Variants in SH3PXD2A observed in about 807,000 individuals in gnomAD.
SH3PXD2A encodes SH3 and PX domains 2A, also known as SH3 and PX domain-containing protein 2A.
A neutral mutation model predicts 115.2 loss-of-function variants in SH3PXD2A; 32 were observed. The ratio of observed to expected loss-of-function variants is 0.28; its 90% CI spans 0.21 to 0.37. The LOEUF (loss-of-function observed/expected upper bound fraction) is 0.37. Among genes scored for constraint, SH3PXD2A ranks in the 10% least tolerant of loss-of-function variants. The probability of loss-of-function intolerance (pLI) is 1.00; values close to 1 mark genes in which losing one functional copy is unlikely to be tolerated. For synonymous variants in SH3PXD2A, 610 were observed against 629.1 expected (o/e 0.97, Z 0.45); for missense variants, 1,328 against 1,498.7 (o/e 0.89, Z 1.88).
chr10:103,778,941 C>T (rs528434555), intron 2 of SH3PXD2A, among the ~76,000 whole-genome samples: 1 of 152,328 alleles, frequency 6.6e-6, no homozygotes, highest in African/African-American at 2.4e-5. Context: ...AGCAGAGCAC[C>T]TGGGGAGCTA....
At chr10:103,718,865 C>T (rs569923239) in intron 5 of SH3PXD2A, among the ~76,000 whole-genome samples, 8 of 151,924 alleles carry the variant, frequency 5.3e-5, no homozygotes, top group South Asian at 2.1e-4. Context: ...ATGTTTGTGT[C>T]CCACCTAAAT....
intron 7 of SH3PXD2A, chr10:103,661,950 C>T (rs2037312937): frequency 1.0e-6 from 1 of 985,342 alleles, no homozygotes; most frequent in Non-Finnish European, 1.2e-6. Flanking sequence ...TCCTGCCCCT[C>T]GGGCTCACCC....
rs557511175 is a variant in SH3PXD2A at position 103,732,078 on chromosome 10, G to C, written c.306+3654C>G. Among the ~76,000 whole-genome samples the C allele has an allele frequency of 2.6e-5, 4 of 152,312 alleles. No homozygotes were observed. In the South Asian group the frequency reaches 8.3e-4, roughly 32 times the overall value. ...TTCTAGTCGTACCAACCAGGAAGTG[G>C]TGACTTGGATAAATGTCATTAACAT... is the stretch of plus-strand genomic sequence containing the variant. On this transcript the variant is annotated intron_variant, in intron 4 of 14. Transcript: ENST00000369774.
chr10:103,769,708 C>T (rs989584242), intron 2 of SH3PXD2A, among the ~76,000 whole-genome samples: 2 of 151,948 alleles, frequency 1.3e-5, no homozygotes, highest in African/African-American at 2.4e-5. Context: ...CTGGGATTAC[C>T]GGTGTGAGCC....
intron 5 of SH3PXD2A, among the ~76,000 whole-genome samples, chr10:103,712,317 G>T (rs1309953307): frequency 6.6e-6 from 1 of 152,208 alleles, no homozygotes. Context: ...GGTTTTGCAC[G>T]TAGCCATCTG....
intron 3 of SH3PXD2A, among the ~76,000 whole-genome samples, chr10:103,744,116 C>G (rs1271939577): frequency 6.6e-6 from 1 of 151,506 alleles, no homozygotes; most frequent in East Asian, 1.9e-4. Context: ...CCTGCCTAGG[C>G]TAGGGTGGGA....
At chr10:103,710,446 GAGCTATTATT>G (rs1250860434) in intron 5 of SH3PXD2A, among the ~76,000 whole-genome samples, 1 of 152,176 alleles carries the variant, frequency 6.6e-6, no homozygotes, top group Non-Finnish European at 1.5e-5. Flanking sequence ...TACAGTAATT[GAGCTATTATT>G]AGCTTTCTAG....
At chr10:103,799,035 A>G (rs558080403) in intron 2 of SH3PXD2A, among the ~76,000 whole-genome samples, 56 of 152,300 alleles carry the variant, frequency 3.7e-4, no homozygotes, top group Middle Eastern at 3.4e-3. Flanking sequence ...CGGGCAGGCA[A>G]TTTGAACCTT....
intron 9 of SH3PXD2A, among the ~76,000 whole-genome samples, chr10:103,624,734 C>T (rs902996): frequency 0.68 from 103,681 of 152,174 alleles, 35,772 homozygotes; most frequent in East Asian, 0.93. Context: ...ATGGCCATAG[C>T]GCTGGGGTAG....
chr10:103,607,639 G>A (rs1219435383), intron 13 of SH3PXD2A, among the ~76,000 whole-genome samples: 1 of 152,206 alleles, frequency 6.6e-6, no homozygotes, highest in Non-Finnish European at 1.5e-5. Flanking sequence ...CCACCACCCC[G>A]TCTGGGAGGT....
chr10:103,732,528 G>A (rs889549754), intron 4 of SH3PXD2A, among the ~76,000 whole-genome samples: 2 of 152,234 alleles, frequency 1.3e-5, no homozygotes, highest in African/African-American at 2.4e-5. Flanking sequence ...ATTGGGCTGT[G>A]AAACCGCCAT....
chr10:103,722,554 G>A (rs2134170342), intron 5 of SH3PXD2A, among the ~76,000 whole-genome samples: 1 of 151,550 alleles, frequency 6.6e-6, no homozygotes, highest in East Asian at 1.9e-4. Flanking sequence ...CACCTGCCTT[G>A]GCTTCTCAAA....
At position 103,603,205 on chromosome 10, in the gene SH3PXD2A, G is replaced by C; in HGVS notation, c.2013C>G (p.Leu671=). 6.2e-7 allele frequency: 1 copy of C among 1,614,194 alleles called. No homozygotes were observed. Among genetic ancestry groups the C allele is most frequent in the Non-Finnish European group, 8.5e-7 (1 of 1,180,046 alleles). Residue 671 remains leucine (L), a synonymous_variant, in exon 15 of 15, where the codon CTC becomes CTG. Coordinates refer to ENST00000369774, the MANE Select transcript of SH3PXD2A (RefSeq NM_001394015.1). Reference sequence around the variant, plus strand: ...CTGCCTGGGCATTCTTCTCTGCCTTGAGCTTTAGGAGTGATGATGACTTGG... The same window carrying C: ...CTGCCTGGGCATTCTTCTCTGCCTTCAGCTTTAGGAGTGATGATGACTTGG... ...GSPKSSSLLK[L]KAEKNAQAEM... is the part of the protein sequence containing the mutation.
chr10:103,834,877 C>G (rs1379041294), intron 1 of SH3PXD2A, among the ~76,000 whole-genome samples: 1 of 152,218 alleles, frequency 6.6e-6, no homozygotes, highest in Non-Finnish European at 1.5e-5. Flanking sequence ...GCCGCTACAA[C>G]CTAATCTAAG....
At chr10:103,768,191 G>A (rs1589447335) in intron 2 of SH3PXD2A, among the ~76,000 whole-genome samples, 1 of 152,350 alleles carries the variant, frequency 6.6e-6, no homozygotes, top group African/African-American at 2.4e-5. Context: ...CTCCGGTGGA[G>A]GGAGACAAAC....
chr10:103,662,007 G>T, intron 7 of SH3PXD2A: 1 of 961,828 alleles, frequency 1.0e-6, no homozygotes, highest in Non-Finnish European at 1.2e-6. Context: ...ACCAGCCTCA[G>T]GCCTGCCCCC....
At chr10:103,697,479 C>T (rs1233485147) in intron 5 of SH3PXD2A, among the ~76,000 whole-genome samples, 4 of 152,184 alleles carry the variant, frequency 2.6e-5, no homozygotes, top group African/African-American at 9.7e-5. Context: ...AGGTGTGATT[C>T]CAGCCCCACT....
At chr10:103,798,241 C>A (rs1242552458) in intron 2 of SH3PXD2A, among the ~76,000 whole-genome samples, 1 of 152,086 alleles carries the variant, frequency 6.6e-6, no homozygotes, top group Admixed American at 6.6e-5. Context: ...CTGAATAGAC[C>A]CCCAAGTGCT....
intron 1 of SH3PXD2A, among the ~76,000 whole-genome samples, chr10:103,804,747 A>G (rs570185871): frequency 6.6e-6 from 1 of 152,250 alleles, no homozygotes; most frequent in East Asian, 1.9e-4. Context: ...TGAGACCAAG[A>G]AGACACAGAA....
Sources: gnomAD v4.1 joint callset for allele counts (sites outside exome capture counted in the v4.1 genomes callset) on GRCh38, gnomAD v4.1.1 for gene constraint, MANE v1.5 for transcripts, NCBI Gene and HGNC (gene_info 2026-07-23, HGNC 2026-07-21) for gene names.